The following AFG2A variants were observed in gnomAD, a reference collection of about 807,000 sequenced individuals.
AFG2A encodes the protein AAA ATPase AFG2A, also known as ATPase family gene 2 protein homolog A.
the AFG2A span, among the ~76,000 whole-genome samples, chr4:123,034,650 A>G: frequency 1.8e-4 from 28 of 152,126 alleles, no homozygotes; most frequent in African/African-American, 6.0e-4. Context: ...TAATATCTCA[A>G]TCTGGGTTCA....
chr4:123,213,830 A>G, the AFG2A span, among the ~76,000 whole-genome samples: 1 of 152,206 alleles, frequency 6.6e-6, no homozygotes, highest in Non-Finnish European at 1.5e-5. Flanking sequence ...CAGCAAGTCC[A>G]TATAATACTA....
chr4:123,012,782 G>A, the AFG2A span, among the ~76,000 whole-genome samples: 1 of 152,192 alleles, frequency 6.6e-6, no homozygotes, highest in African/African-American at 2.4e-5. Context: ...GGTTGGAGAA[G>A]AGAGTAAAGA....
At chr4:123,186,103 A>G in the AFG2A span, among the ~76,000 whole-genome samples, 1 of 152,194 alleles carries the variant, frequency 6.6e-6, no homozygotes, top group Non-Finnish European at 1.5e-5. Flanking sequence ...GCTTTGGATC[A>G]TAAGTAGTTA....
the AFG2A span, among the ~76,000 whole-genome samples, chr4:123,108,882 G>A: frequency 6.6e-6 from 1 of 151,984 alleles, no homozygotes; most frequent in Non-Finnish European, 1.5e-5. Context: ...TTTTAAATAT[G>A]TGTGTTTTTT....
chr4:123,071,876 A>G, the AFG2A span, among the ~76,000 whole-genome samples: 1 of 152,094 alleles, frequency 6.6e-6, no homozygotes, highest in African/African-American at 2.4e-5. Context: ...TTGCTTTCAT[A>G]TTTTTCAAGT....
chr4:123,257,605 G>A, the AFG2A span, among the ~76,000 whole-genome samples: 1 of 152,150 alleles, frequency 6.6e-6, no homozygotes, highest in Admixed American at 6.5e-5. Context: ...CTCTGAAACA[G>A]TGATCTTTAT....
chr4:123,204,519 C>T, the AFG2A span, among the ~76,000 whole-genome samples: 31 of 152,146 alleles, frequency 2.0e-4, no homozygotes, highest in African/African-American at 7.0e-4. Context: ...GTGAAATGTC[C>T]GCTCATGACT....
the AFG2A span, among the ~76,000 whole-genome samples, chr4:123,018,819 T>G: frequency 1.3e-5 from 2 of 151,530 alleles, no homozygotes; most frequent in Non-Finnish European, 2.9e-5. Flanking sequence ...TTTTTTTGTA[T>G]TTTTAGTAGA....
At chr4:123,063,004 G>GT in the AFG2A span, among the ~76,000 whole-genome samples, 8 of 152,250 alleles carry the variant, frequency 5.3e-5, no homozygotes, top group South Asian at 1.7e-3. Context: ...TATGTAGTTT[G>GT]TTTTTTGTAA....
the AFG2A span, among the ~76,000 whole-genome samples, chr4:123,262,489 C>T: frequency 6.6e-6 from 1 of 152,214 alleles, no homozygotes; most frequent in Non-Finnish European, 1.5e-5. Context: ...TCTCCTAATG[C>T]CTCTGTGTCA....
At chr4:123,307,375 T>TAC in the AFG2A span, among the ~76,000 whole-genome samples, 71 of 151,562 alleles carry the variant, frequency 4.7e-4, no homozygotes, top group East Asian at 6.6e-3. Context: ...TCAGTGTAGA[T>TAC]ACACACACAC....
chr4:122,948,387 TACACACACAC>T, the AFG2A span, among the ~76,000 whole-genome samples: 1,585 of 129,608 alleles, frequency 0.012, 18 homozygotes, highest in Non-Finnish European at 0.018. Context: ...CTCCAGAGTA[TACACACACAC>T]ACACACACAC....
At chr4:122,972,123 G>A in the AFG2A span, among the ~76,000 whole-genome samples, 1 of 152,030 alleles carries the variant, frequency 6.6e-6, no homozygotes, top group African/African-American at 2.4e-5. Flanking sequence ...TATCAGTGAA[G>A]CCATCTGTAC....
At chr4:123,283,855 A>G in the AFG2A span, among the ~76,000 whole-genome samples, 2 of 152,190 alleles carry the variant, frequency 1.3e-5, no homozygotes, top group African/African-American at 2.4e-5. Flanking sequence ...CCGCAAGACC[A>G]AAACACTTGC....
the AFG2A span, chr4:123,028,317 T>C: frequency 6.2e-7 from 1 of 1,614,152 alleles, no homozygotes; most frequent in East Asian, 2.2e-5. Context: ...TTCTTCTCTA[T>C]GGGCCACCTG....
At chr4:123,242,713 C>T in the AFG2A span, among the ~76,000 whole-genome samples, 3,288 of 152,174 alleles carry the variant, frequency 0.022, 65 homozygotes, top group Non-Finnish European at 0.035. Flanking sequence ...ACTGAAACAC[C>T]GAAAGAAATG....
At chr4:123,259,154 T>A in the AFG2A span, among the ~76,000 whole-genome samples, 1 of 152,098 alleles carries the variant, frequency 6.6e-6, no homozygotes, top group Admixed American at 6.6e-5. Flanking sequence ...GGCATGAGCC[T>A]CTGTGCCCAC....
the AFG2A span, among the ~76,000 whole-genome samples, chr4:123,048,151 C>T: frequency 2.0e-5 from 3 of 152,034 alleles, no homozygotes; most frequent in Non-Finnish European, 4.4e-5. Context: ...ATGCCCTTGT[C>T]GAAAATGAGT....
chr4:123,283,989 C>T, the AFG2A span, among the ~76,000 whole-genome samples: 10 of 152,138 alleles, frequency 6.6e-5, no homozygotes, highest in African/African-American at 1.9e-4. Context: ...TTCCCTTCTT[C>T]TCTTCCTCTT....
Sources: allele counts gnomAD v4.1 joint callset (sites outside exome capture counted in the v4.1 genomes callset), GRCh38; gene constraint gnomAD v4.1.1; transcripts MANE v1.5; gene names NCBI Gene and HGNC (gene_info 2026-07-23, HGNC 2026-07-21).